The following TICAM1 variants were observed in gnomAD, a reference collection of about 807,000 sequenced individuals.
TICAM1 encodes TIR domain containing adaptor molecule 1.
For synonymous variants in TICAM1, 439 were observed against 415.4 expected, an observed-to-expected ratio of 1.06 and a Z score of -0.69; for missense variants, 895 against 938.2, an observed-to-expected ratio of 0.95 and a Z score of 0.60.
At position 4,817,403 on chromosome 19, in the gene TICAM1, G is replaced by A; in HGVS notation, c.975C>T (p.Pro325=). ...GTGGCGTCTGGTCTTTGACAGAGCA[G>A]GGGTTTTTGACCGGCTCCAGAATAG... ...PLPILEPVKN[P]CSVKDQTPLQ... The change falls in exon 2 of 2, where the codon CCC becomes CCT. Residue 325 remains proline (P), a synonymous_variant. Coordinates refer to ENST00000248244, the MANE Select transcript of TICAM1 (RefSeq NM_182919.4). The surrounding 1 kb of genome is among the most constrained non-coding windows in gnomAD (Gnocchi z 4.7). The A allele has an allele frequency of 6.2e-7, 1 of 1,614,096 alleles. No homozygotes were observed. The highest frequency in any genetic ancestry group is 8.5e-7 in the Non-Finnish European group (1 of 1,180,038).
At chr19:4,822,808 G>A (rs575577629) in intron 1 of TICAM1, among the ~76,000 whole-genome samples, 2 of 152,296 alleles carry the variant, frequency 1.3e-5, no homozygotes, top group Admixed American at 1.3e-4. Flanking sequence ...TGACAGAGCA[G>A]CCATTTGATG....
chr19:4,816,070 G>T lies in TICAM1; in HGVS notation c.*169C>A. On this transcript the variant is annotated 3_prime_UTR_variant, in exon 2 of 2. Transcript: ENST00000248244. This position sits in a 1 kb window ranked among gnomAD's most constrained non-coding sequence, Gnocchi z 4.3. ...CCACCCTGAAAGCCAGGGCATCATC[G>T]CGCCCGTTTTGTCCTAAATGAAGGG... 9.7e-7 allele frequency: 1 copy of T among 1,028,114 alleles called. No homozygotes were observed. The highest frequency in any genetic ancestry group is 1.3e-6 in the Non-Finnish European group (1 of 795,168). The allele number at this position is 1,028,114 out of a possible 1,614,324, so 63.7% of individuals were successfully genotyped here.
Position 4,816,622 on chromosome 19 carries a change from G to C in TICAM1, c.1756C>G (p.Gln586Glu), listed in dbSNP as rs767639735. The C allele has an allele frequency of 3.7e-6, 6 of 1,613,970 alleles. No individual in the cohort carries two copies. Among genetic ancestry groups the C allele is most frequent in the Non-Finnish European group, 5.1e-6 (6 of 1,180,054 alleles). ...TGGCTCCCAAAAGCCACCTGGAGCT[G>C]CTCCATCTGTGCCTGGTAGGACAAG... Reference protein sequence around the residue: ...SYLSYQAQMEQLQVAFGSHMS... With the variant: ...SYLSYQAQMEELQVAFGSHMS... Residue 586 changes from glutamine to glutamate, a missense_variant, in exon 2 of 2, where the codon CAG becomes GAG. Coordinates refer to ENST00000248244, the MANE Select transcript of TICAM1 (RefSeq NM_182919.4). This position sits in a 1 kb window ranked among gnomAD's most constrained non-coding sequence, Gnocchi z 4.3.
chr19:4,816,565 C>T lies in TICAM1; in HGVS notation c.1813G>A (p.Ala605Thr), dbSNP rs2093585623. ...MSFGTGAPYGARMPFGGQVPL... is the reference protein window; with the variant it reads ...MSFGTGAPYGTRMPFGGQVPL... Reference sequence around the variant, plus strand: ...ACCTGGCCCCCAAAGGGCATTCGAGCCCCATAGGGCGCCCCAGTCCCAAAT... The same window carrying T: ...ACCTGGCCCCCAAAGGGCATTCGAGTCCCATAGGGCGCCCCAGTCCCAAAT... The change falls in exon 2 of 2, where the codon GCT becomes ACT. Residue 605 changes from alanine to threonine, a missense_variant. Coordinates refer to ENST00000248244, the MANE Select transcript of TICAM1 (RefSeq NM_182919.4). This position sits in a 1 kb window ranked among gnomAD's most constrained non-coding sequence, Gnocchi z 4.3. 1 of 1,611,744 alleles carries T rather than the reference C, an allele frequency of 6.2e-7. No homozygotes were observed. Among genetic ancestry groups the T allele is most frequent in the Non-Finnish European group, 8.5e-7 (1 of 1,179,552 alleles).
chr19:4,819,920 C>T (rs1267899520), intron 1 of TICAM1, among the ~76,000 whole-genome samples: 1 of 151,836 alleles, frequency 6.6e-6, no homozygotes, highest in African/African-American at 2.4e-5. Flanking sequence ...CCTCAAGGAC[C>T]CAACATCCTG....
intron 1 of TICAM1, among the ~76,000 whole-genome samples, chr19:4,823,674 C>T (rs2093601420): frequency 6.6e-6 from 1 of 151,914 alleles, no homozygotes; most frequent in Non-Finnish European, 1.5e-5. Context: ...CAGATACAGA[C>T]ACGTAACTGC....
chr19:4,817,694 G>C lies in TICAM1; in HGVS notation c.684C>G (p.Ser228Arg), dbSNP rs774682259. ...LSLHRSPHGPSKLCDDPQASL... is the reference protein window; with the variant it reads ...LSLHRSPHGPRKLCDDPQASL... ...TGGCCTGGGGGTCGTCACAGAGCTTGCTGGGCCCATGTGGGCTGCGGTGCA... is the reference window on the plus strand; with the variant it reads ...TGGCCTGGGGGTCGTCACAGAGCTTCCTGGGCCCATGTGGGCTGCGGTGCA... The change falls in exon 2 of 2, where the codon AGC (serine) becomes AGG (arginine). Residue 228 changes from serine to arginine, a missense_variant. Coordinates refer to ENST00000248244, the MANE Select transcript of TICAM1 (RefSeq NM_182919.4). This position sits in a 1 kb window ranked among gnomAD's most constrained non-coding sequence, Gnocchi z 4.7. The C allele has an allele frequency of 1.3e-6, 2 of 1,590,100 alleles. No individual in the cohort carries two copies. Among genetic ancestry groups the C allele is most frequent in the Admixed American group, 3.4e-5 (2 of 58,040 alleles).
At position 4,816,869 on chromosome 19, in the gene TICAM1, C is replaced by G. The variant is rs538901003; in HGVS notation, c.1509G>C (p.Thr503=). Residue 503 remains threonine (T), a synonymous_variant, in exon 2 of 2, where the codon ACG becomes ACC. Coordinates refer to ENST00000248244, the MANE Select transcript of TICAM1 (RefSeq NM_182919.4). The surrounding 1 kb of genome is among the most constrained non-coding windows in gnomAD (Gnocchi z 4.3). The part of the protein sequence containing the change: ...ESSPAQLSSD[T]ASLLSGLVRL... Reference sequence around the variant, plus strand: ...GCACCAGCCCGGAGAGCAGGCTGGCCGTGTCGGAGCTGAGCTGGGCCGGGG... The same window carrying G: ...GCACCAGCCCGGAGAGCAGGCTGGCGGTGTCGGAGCTGAGCTGGGCCGGGG... 15 of 1,612,524 alleles carry G rather than the reference C, an allele frequency of 9.3e-6. No homozygotes were observed. Among genetic ancestry groups the G allele is most frequent in the Non-Finnish European group, 1.3e-5 (15 of 1,180,020 alleles).
chr19:4,831,475 GCCC>G (rs2093613574), intron 1 of TICAM1, 136 bp downstream of exon 1: 1 of 152,054 alleles, frequency 6.6e-6, no homozygotes. Context: ...GCGGCGCCAG[GCCC>G]CCTCCTCCGC....
chr19:4,819,648 G>A (rs1463270340), intron 1 of TICAM1, among the ~76,000 whole-genome samples: 4 of 152,136 alleles, frequency 2.6e-5, no homozygotes, highest in African/African-American at 7.2e-5. Context: ...CAAGGAGGGC[G>A]GCTCACCTGA....
At chr19:4,821,377 C>T (rs1185459640) in intron 1 of TICAM1, among the ~76,000 whole-genome samples, 4 of 152,142 alleles carry the variant, frequency 2.6e-5, no homozygotes, top group Non-Finnish European at 5.9e-5. Context: ...ATATAACGGG[C>T]ATGTGTGGAT....
chr19:4,816,220 G>T lies in TICAM1; in HGVS notation c.*19C>A. 6.7e-7 allele frequency: 1 copy of T among 1,495,294 alleles called. No individual in the cohort carries two copies. The highest frequency in any genetic ancestry group is 1.4e-5 in the South Asian group (1 of 72,942). 92.6% of individuals were successfully genotyped at this position (1,495,294 alleles called of 1,614,324 possible). Reference sequence around the variant, plus strand: ...TGGGTCCAGGGGTGTTCCCCAGGTGGTCAGGCAAGGACACGCGGTCATTCT... The same window carrying T: ...TGGGTCCAGGGGTGTTCCCCAGGTGTTCAGGCAAGGACACGCGGTCATTCT... On this transcript the variant is annotated 3_prime_UTR_variant, in exon 2 of 2. Transcript: ENST00000248244. The surrounding 1 kb of genome is among the most constrained non-coding windows in gnomAD (Gnocchi z 4.3).
At chr19:4,825,315 G>A (rs888750471) in intron 1 of TICAM1, among the ~76,000 whole-genome samples, 7 of 151,982 alleles carry the variant, frequency 4.6e-5, no homozygotes, top group African/African-American at 7.2e-5. Flanking sequence ...TATCAGGTAC[G>A]ACAGTTATTA....
At chr19:4,820,482 C>T (rs891765494) in intron 1 of TICAM1, among the ~76,000 whole-genome samples, 13 of 149,912 alleles carry the variant, frequency 8.7e-5, no homozygotes, top group African/African-American at 3.2e-4. Context: ...CCCAGCTACT[C>T]GGGAGGCTAA....
chr19:4,828,864 A>C (rs1011680970), intron 1 of TICAM1, among the ~76,000 whole-genome samples: 2 of 151,914 alleles, frequency 1.3e-5, no homozygotes, highest in African/African-American at 4.8e-5. Flanking sequence ...CACCATGCCC[A>C]GGTAATTTTT....
Position 4,828,210 on chromosome 19 carries a change from G to A in TICAM1, c.-140+3404C>T, listed in dbSNP as rs373039808. 3.4e-4 allele frequency among the ~76,000 whole-genome samples: 51 copies of A among 151,954 alleles called. 2 individuals are homozygous for A. Among genetic ancestry groups the A allele is most frequent in the Admixed American group, 1.2e-3 (19 of 15,216 alleles). ...GCTCACTACAAGTTCTGCCTCCCGGGTTCCCACCGTTCTCCTGCCTCAGCC... is the reference window on the plus strand; with the variant it reads ...GCTCACTACAAGTTCTGCCTCCCGGATTCCCACCGTTCTCCTGCCTCAGCC... On this transcript the variant is annotated intron_variant, in intron 1 of 1. Transcript: ENST00000248244.
At chr19:4,826,004 A>T (rs997610842) in intron 1 of TICAM1, among the ~76,000 whole-genome samples, 25 of 151,804 alleles carry the variant, frequency 1.6e-4, no homozygotes, top group East Asian at 1.4e-3. Context: ...AAATTAAAAT[A>T]AAAATAATTA....
intron 1 of TICAM1, among the ~76,000 whole-genome samples, chr19:4,831,394 G>A (rs1280256724): frequency 2.6e-5 from 4 of 151,352 alleles, no homozygotes; most frequent in African/African-American, 9.7e-5. Context: ...GGAGGATCCC[G>A]ACAGTGGGGG....
rs11466716 is a variant in TICAM1, at chr19:4,818,643, C to T, written c.-139-127G>A. ...CCTAGCCAGGTGACCTTCGGCAACA[C>T]GTCGCCTCCTTCAACTTCCATTTCT... On this transcript the variant is annotated intron_variant, in intron 1 of 1. Transcript: ENST00000248244. This position sits in a 1 kb window ranked among gnomAD's most constrained non-coding sequence, Gnocchi z 4.0. 0.028 allele frequency: 12,866 copies of T among 465,640 alleles called. 308 individuals are homozygous for T. The highest frequency in any genetic ancestry group is 0.09 in the African/African-American group (4,496 of 49,820). The allele number at this position is 465,640 out of a possible 1,614,324, so 28.8% of individuals were successfully genotyped here.
Sources: gnomAD v4.1 joint callset for allele counts (sites outside exome capture counted in the v4.1 genomes callset) on GRCh38, gnomAD v4.1.1 for gene constraint, Gnocchi (gnomAD v3.1) non-coding constraint, MANE v1.5 for transcripts, NCBI Gene and HGNC (gene_info 2026-07-23, HGNC 2026-07-21) for gene names.